CD2AP: variants seen among roughly 807,000 people sequenced by gnomAD.
CD2AP encodes CD2-associated protein.
In CD2AP, 46 loss-of-function variants were observed where a neutral mutation model predicts 85.1. The observed-to-expected ratio is 0.54, with a 90% CI of 0.43 to 0.69. The LOEUF is 0.69. Ranked by LOEUF, CD2AP falls within the 30% of genes least tolerant of loss-of-function variation. CD2AP has a pLI of 0.00. For synonymous variants in CD2AP, 255 were observed against 252.9 expected, an observed-to-expected ratio of 1.01 and a Z score of -0.08; for missense variants, 769 against 729.5, an observed-to-expected ratio of 1.05 and a Z score of -0.62.
At chr6:47,497,287 TTTCCTG>T (rs1431610610) in intron 1 of CD2AP, among the ~76,000 whole-genome samples, 1 of 150,776 alleles carries the variant, frequency 6.6e-6, no homozygotes, top group Non-Finnish European at 1.5e-5. Flanking sequence ...TCCTTTCCCT[TTTCCTG>T]TTCCCGTTCC....
chr6:47,533,007 C>T (rs1362145408), intron 2 of CD2AP, among the ~76,000 whole-genome samples: 2 of 152,156 alleles, frequency 1.3e-5, no homozygotes, highest in Non-Finnish European at 2.9e-5. Context: ...CAGGACAAGT[C>T]TGAATACCAC....
chr6:47,561,472 C>CT lies in CD2AP; in HGVS notation c.541+6719dup, dbSNP rs200178991. ...GGAATCAGCTACCTATCAAGGCAAA[C>CT]TTTTTTTTTTTTTAAGAGAGGAATA... On this transcript the variant is annotated intron_variant, in intron 5 of 17. Transcript: ENST00000359314. 8.9e-4 allele frequency among the ~76,000 whole-genome samples: 129 copies of CT among 145,088 alleles called. 1 individual carries two copies. The highest frequency in any genetic ancestry group is 4.2e-3 in the South Asian group (19 of 4,518).
At chr6:47,594,543 T>G (rs1044228751) in intron 11 of CD2AP, among the ~76,000 whole-genome samples, 1 of 152,074 alleles carries the variant, frequency 6.6e-6, no homozygotes, top group Non-Finnish European at 1.5e-5. Flanking sequence ...CCATTTTTCT[T>G]GGTATGTTAT....
intron 16 of CD2AP, among the ~76,000 whole-genome samples, chr6:47,609,752 C>G (rs1041792813): frequency 6.6e-6 from 1 of 152,080 alleles, no homozygotes; most frequent in Non-Finnish European, 1.5e-5. Flanking sequence ...TTTTCATTAA[C>G]AGTCCTTTTC....
intron 1 of CD2AP, among the ~76,000 whole-genome samples, chr6:47,496,221 A>G (rs1765852978): frequency 6.6e-6 from 1 of 151,806 alleles, no homozygotes; most frequent in African/African-American, 2.4e-5. Flanking sequence ...TTTAAAGGAT[A>G]TTTTCTTGGG....
intron 17 of CD2AP, among the ~76,000 whole-genome samples, chr6:47,620,524 A>G (rs1032934292): frequency 4.6e-5 from 7 of 152,120 alleles, no homozygotes; most frequent in Admixed American, 2.0e-4. Flanking sequence ...TGCTTTGGCT[A>G]TGCGGGCTCT....
At chr6:47,589,223 T>A (rs2114119538) in intron 11 of CD2AP, among the ~76,000 whole-genome samples, 1 of 152,144 alleles carries the variant, frequency 6.6e-6, no homozygotes, top group Non-Finnish European at 1.5e-5. Context: ...TTGTATTAAG[T>A]GTTTAGTTGG....
At chr6:47,529,193 C>G (rs991774292) in intron 2 of CD2AP, among the ~76,000 whole-genome samples, 9 of 117,090 alleles carry the variant, frequency 7.7e-5, no homozygotes, top group South Asian at 3.3e-4. Flanking sequence ...GCCCCCCCCC[C>G]CCCCCCCAAC....
intron 17 of CD2AP, among the ~76,000 whole-genome samples, chr6:47,619,526 CAT>C (rs1269811439): frequency 5.9e-5 from 9 of 151,776 alleles, no homozygotes; most frequent in African/African-American, 1.7e-4. Context: ...CTGCTGTAAA[CAT>C]GTGTGTGCAA....
chr6:47,548,069 A>C (rs1277237073), intron 4 of CD2AP, among the ~76,000 whole-genome samples: 1 of 152,114 alleles, frequency 6.6e-6, no homozygotes, highest in African/African-American at 2.4e-5. Flanking sequence ...TTAAAAGTCA[A>C]CTTAAAAGTT....
At chr6:47,609,714 G>A (rs1352371455) in intron 16 of CD2AP, among the ~76,000 whole-genome samples, 1 of 151,544 alleles carries the variant, frequency 6.6e-6, no homozygotes, top group Non-Finnish European at 1.5e-5. Flanking sequence ...AAAAGTCTCT[G>A]GTATGAGCAA....
At chr6:47,622,573 A>G (rs1769783510) in intron 17 of CD2AP, among the ~76,000 whole-genome samples, 1 of 152,150 alleles carries the variant, frequency 6.6e-6, no homozygotes, top group Non-Finnish European at 1.5e-5. Flanking sequence ...AGTCAGATCC[A>G]GGTGAAGTTG....
intron 1 of CD2AP, among the ~76,000 whole-genome samples, chr6:47,497,936 G>A (rs1363595828): frequency 4.6e-5 from 7 of 152,162 alleles, no homozygotes; most frequent in South Asian, 2.1e-4. Context: ...GATTTGTTGC[G>A]CAGCTGCAAA....
intron 5 of CD2AP, among the ~76,000 whole-genome samples, chr6:47,558,952 C>T (rs948848757): frequency 1.3e-5 from 2 of 152,102 alleles, no homozygotes; most frequent in African/African-American, 4.8e-5. Flanking sequence ...CCATCTAGAG[C>T]TGAGCTTTTT....
Position 47,612,529 on chromosome 6 carries a change from A to C in CD2AP, c.1871A>C (p.Asn624Thr). The stretch of plus-strand genomic sequence containing the variant: ...GAAGAAGAGAAGACAATGAGAAGTA[A>C]TCTAGAGGTAATTAATTTCTTCCAG... ...DLEEEKTMRS[N>T]LEMEIEKLKK... Residue 624 changes from asparagine (N) to threonine (T), a missense_variant, in exon 17 of 18, where the codon AAT becomes ACT. Transcript: ENST00000359314. 1 of 1,604,476 alleles carries C rather than the reference A, an allele frequency of 6.2e-7. No homozygotes were observed.
intron 11 of CD2AP, among the ~76,000 whole-genome samples, chr6:47,589,463 T>C (rs1168625534): frequency 2.0e-5 from 3 of 149,090 alleles, no homozygotes; most frequent in African/African-American, 4.9e-5. Context: ...TATATACATA[T>C]ATACACACAC....
intron 12 of CD2AP, among the ~76,000 whole-genome samples, chr6:47,597,897 G>A (rs550037963): frequency 6.6e-6 from 1 of 150,916 alleles, no homozygotes; most frequent in African/African-American, 2.4e-5. Flanking sequence ...ACTCCAGGGT[G>A]CAGTGGGCCC....
chr6:47,478,206 A>C lies in CD2AP; in HGVS notation c.-39A>C. On this transcript the variant is annotated 5_prime_UTR_variant, in exon 1 of 18. Coordinates refer to ENST00000359314, the MANE Select transcript of CD2AP (RefSeq NM_012120.3). ...GAGCCACCACTGGAGGAGGAGGAGG[A>C]GGAGCGGACGTCGGCTTCTCCCCGC... 6.4e-7 allele frequency: 1 copy of C among 1,563,776 alleles called. No homozygotes were observed. The highest frequency in any genetic ancestry group is 1.4e-5 in the African/African-American group (1 of 73,742).
chr6:47,541,326 A>G (rs1175573906), intron 3 of CD2AP, among the ~76,000 whole-genome samples: 1 of 152,098 alleles, frequency 6.6e-6, no homozygotes, highest in African/African-American at 2.4e-5. Context: ...GGGTTTCACC[A>G]TGTTAGCCAG....
Sources: gnomAD v4.1 joint callset for allele counts (sites outside exome capture counted in the v4.1 genomes callset) on GRCh38, gnomAD v4.1.1 for gene constraint, MANE v1.5 for transcripts, NCBI Gene and HGNC (gene_info 2026-07-23, HGNC 2026-07-21) for gene names.